Variants in KIF6 observed in about 807,000 individuals in gnomAD.
KIF6 encodes the protein kinesin-like protein KIF6.
A neutral mutation model predicts 112.7 loss-of-function variants in KIF6; 106 were observed. That is an observed-to-expected ratio of 0.94 (90% CI 0.80 to 1.11). KIF6 has a LOEUF of 1.11. Among genes scored for constraint, KIF6 ranks in the 50% least tolerant of loss-of-function variants. KIF6 has a pLI of 0.00. For synonymous variants in KIF6, 339 were observed against 339.9 expected (o/e 1.00, Z 0.03); for missense variants, 929 against 964.0 (o/e 0.96, Z 0.48).
At chr6:39,424,676 G>A (rs1770638242) in intron 14 of KIF6, among the ~76,000 whole-genome samples, 1 of 152,182 alleles carries the variant, frequency 6.6e-6, no homozygotes, top group Admixed American at 6.5e-5. Context: ...GGGCTGGGTT[G>A]ATGTGGAAAG....
chr6:39,404,613 G>A (rs1245215755), intron 15 of KIF6, among the ~76,000 whole-genome samples: 1 of 152,054 alleles, frequency 6.6e-6, no homozygotes, highest in Non-Finnish European at 1.5e-5. Context: ...GACTTCTCCA[G>A]CTTTATTCTT....
intron 3 of KIF6, among the ~76,000 whole-genome samples, chr6:39,642,252 C>G (rs950915915): frequency 6.6e-6 from 1 of 152,180 alleles, no homozygotes; most frequent in African/African-American, 2.4e-5. Flanking sequence ...TTTCAGAACT[C>G]TGGAAATTAT....
chr6:39,430,141 T>A (rs937749459), intron 14 of KIF6, among the ~76,000 whole-genome samples: 1 of 152,122 alleles, frequency 6.6e-6, no homozygotes, highest in African/African-American at 2.4e-5. Context: ...TATTTTCTCC[T>A]GGTTCGCCCC....
chr6:39,336,970 TTC>T (rs57974533), intron 22 of KIF6, among the ~76,000 whole-genome samples: 7 of 150,014 alleles, frequency 4.7e-5, no homozygotes, highest in African/African-American at 1.5e-4. Flanking sequence ...CTTTCATTCT[TTC>T]TCTCTTTCTC....
At chr6:39,349,078 T>C (rs1250814093) in intron 19 of KIF6, among the ~76,000 whole-genome samples, 1 of 152,178 alleles carries the variant, frequency 6.6e-6, no homozygotes, top group Non-Finnish European at 1.5e-5. Context: ...CAAATCTCAA[T>C]AAAGGGGACT....
chr6:39,524,147 T>C (rs980102321), intron 13 of KIF6, among the ~76,000 whole-genome samples: 1 of 132,652 alleles, frequency 7.5e-6, no homozygotes, highest in South Asian at 2.4e-4. Flanking sequence ...TGTCTGTGTG[T>C]GTGAAAGAGA....
At chr6:39,657,500 A>G (rs538130587) in intron 3 of KIF6, among the ~76,000 whole-genome samples, 4 of 152,170 alleles carry the variant, frequency 2.6e-5, no homozygotes, top group Non-Finnish European at 5.9e-5. Context: ...CCAAACAACT[A>G]AATCTCCAAA....
intron 13 of KIF6, among the ~76,000 whole-genome samples, chr6:39,539,425 C>T (rs1043910978): frequency 2.0e-5 from 3 of 152,108 alleles, no homozygotes; most frequent in Non-Finnish European, 4.4e-5. Flanking sequence ...CTCACTGCAA[C>T]CTCCACCTCT....
At chr6:39,442,439 T>G (rs1333115977) in intron 13 of KIF6, among the ~76,000 whole-genome samples, 1 of 152,172 alleles carries the variant, frequency 6.6e-6, no homozygotes, top group Non-Finnish European at 1.5e-5. Context: ...AATGTTCTCA[T>G]CCAGGACAAA....
intron 13 of KIF6, among the ~76,000 whole-genome samples, chr6:39,452,814 A>T (rs985102282): frequency 3.3e-5 from 5 of 152,238 alleles, no homozygotes; most frequent in Non-Finnish European, 7.3e-5. Context: ...CACAGAAAGC[A>T]AATGGTCAGG....
intron 3 of KIF6, among the ~76,000 whole-genome samples, chr6:39,657,233 C>G (rs143003659): frequency 0.01 from 1,188 of 115,602 alleles, 17 homozygotes; most frequent in African/African-American, 0.036. Flanking sequence ...AACTCCATCT[C>G]AAAAAAAAAA....
chr6:39,416,916 T>C (rs941956938), intron 15 of KIF6, among the ~76,000 whole-genome samples: 5 of 152,170 alleles, frequency 3.3e-5, no homozygotes, highest in African/African-American at 1.2e-4. Flanking sequence ...CAATCTTGCC[T>C]CAGGGTCCAG....
chr6:39,370,659 A>G (rs1885615), intron 16 of KIF6, among the ~76,000 whole-genome samples: 88,437 of 152,036 alleles, frequency 0.58, 26,571 homozygotes, highest in Non-Finnish European at 0.65. Context: ...AATGTTTGAC[A>G]AGAATTCCTT....
At chr6:39,494,794 G>A (rs78845683) in intron 13 of KIF6, among the ~76,000 whole-genome samples, 2,027 of 148,230 alleles carry the variant, frequency 0.014, 39 homozygotes, top group African/African-American at 0.047. Flanking sequence ...CTTATGACAA[G>A]TTTTTTTTTT....
intron 7 of KIF6, 36 bp downstream of exon 7, chr6:39,596,018 T>C: frequency 6.6e-7 from 1 of 1,513,748 alleles, no homozygotes; most frequent in Non-Finnish European, 9.2e-7. Flanking sequence ...ACATGGTAGC[T>C]ATAGTTATTA....
rs111254738 is a variant in KIF6, at chr6:39,367,315, C to T, written c.1862-4797G>A. ...TGAGTTTTGTAGGTCTCCATCCCCA[C>T]GGGGACTCTGGCCAGGGACAGAGCC... On this transcript the variant is annotated intron_variant, in intron 16 of 22. Coordinates refer to ENST00000287152, the MANE Select transcript of KIF6 (RefSeq NM_145027.6). 3.3e-3 allele frequency among the ~76,000 whole-genome samples: 498 copies of T among 152,294 alleles called. 3 individuals are homozygous for T. The highest frequency in any genetic ancestry group is 0.011 in the African/African-American group (473 of 41,560).
At chr6:39,485,656 A>G (rs987937870) in intron 13 of KIF6, among the ~76,000 whole-genome samples, 1 of 152,116 alleles carries the variant, frequency 6.6e-6, no homozygotes, top group African/African-American at 2.4e-5. Flanking sequence ...CACATTATCA[A>G]TGTGCAGAGA....
At chr6:39,520,085 C>T (rs570371134) in intron 13 of KIF6, among the ~76,000 whole-genome samples, 1 of 152,168 alleles carries the variant, frequency 6.6e-6, no homozygotes, top group South Asian at 2.1e-4. Flanking sequence ...GTCATGCATG[C>T]TAATGAATCC....
At chr6:39,686,442 C>T (rs1252913205) in intron 3 of KIF6, among the ~76,000 whole-genome samples, 1 of 152,182 alleles carries the variant, frequency 6.6e-6, no homozygotes, top group African/African-American at 2.4e-5. Flanking sequence ...GCAGCTTTCT[C>T]TTATAGTCTT....
Sources: gnomAD v4.1 joint callset for allele counts (sites outside exome capture counted in the v4.1 genomes callset) on GRCh38, gnomAD v4.1.1 for gene constraint, MANE v1.5 for transcripts, NCBI Gene and HGNC (gene_info 2026-07-23, HGNC 2026-07-21) for gene names.